The following COL24A1 variants were observed in gnomAD, a reference collection of about 807,000 sequenced individuals.
COL24A1 encodes collagen type XXIV alpha 1 chain, also known as collagen alpha-1(XXIV) chain.
Under a neutral mutation model 253.9 loss-of-function variants are expected in COL24A1, and 224 were observed. That is an observed-to-expected ratio of 0.88 (90% CI 0.79 to 0.99). The LOEUF is 0.99. Ranked by LOEUF, COL24A1 falls within the 50% of genes least tolerant of loss-of-function variation. The pLI is 0.00. For missense variants in COL24A1, 2,131 were observed against 2,068.5 expected (o/e 1.03, Z -0.59); for synonymous variants, 685 against 673.7 (o/e 1.02, Z -0.26).
At position 86,072,011 on chromosome 1, in the gene COL24A1, C is replaced by A. The variant is rs573706101; in HGVS notation, c.1708-8252G>T. Among the ~76,000 whole-genome samples the A allele has an allele frequency of 3.3e-5, 5 of 152,310 alleles. No homozygotes were observed. The East Asian group carries it at 9.7e-4, about 29-fold the overall frequency. On this transcript the variant is annotated intron_variant, in intron 7 of 59. Coordinates refer to ENST00000370571, the MANE Select transcript of COL24A1 (RefSeq NM_152890.7). ...TATGCTTTTCCCACGGTCTGTGAAA[C>A]CTGCAGACCAGGAGATTCCCTCGGA...
At chr1:85,808,548 T>C (rs1196408949) in intron 47 of COL24A1, among the ~76,000 whole-genome samples, 4 of 152,228 alleles carry the variant, frequency 2.6e-5, no homozygotes, top group Admixed American at 6.5e-5. Flanking sequence ...CAGTGCTATG[T>C]CAACTCAATT....
In COL24A1 at chr1:86,057,192, G is replaced by A. The variant is rs1187859166; in HGVS notation, c.1851+739C>T. On this transcript the variant is annotated intron_variant, in intron 10 of 59. Transcript: ENST00000370571. ...AGATCTGGTTGTTTGAAAGTGTCTGGGACCTTCCGTTTTTCTCTCTTACTC... is the reference window on the plus strand; with the variant it reads ...AGATCTGGTTGTTTGAAAGTGTCTGAGACCTTCCGTTTTTCTCTCTTACTC... Among the ~76,000 whole-genome samples, 3 of 151,920 alleles carry A rather than the reference G, an allele frequency of 2.0e-5. No individual in the cohort carries two copies. The East Asian group carries it at 5.8e-4, about 29-fold the overall frequency.
At chr1:85,761,672 A>G (rs1379336037) in intron 53 of COL24A1, 106 bp from the exon 54 acceptor site, 4 of 1,061,536 alleles carry the variant, frequency 3.8e-6, no homozygotes, top group Non-Finnish European at 5.8e-6. Flanking sequence ...GTGCCAGGCA[A>G]GTCATACAAT....
chr1:85,914,838 G>A (rs1372193571), intron 24 of COL24A1, among the ~76,000 whole-genome samples: 1 of 152,190 alleles, frequency 6.6e-6, no homozygotes, highest in Non-Finnish European at 1.5e-5. Flanking sequence ...TTCTGGAAAA[G>A]AGGTTAGTGA....
intron 52 of COL24A1, among the ~76,000 whole-genome samples, chr1:85,779,077 C>T (rs143177230): frequency 9.9e-5 from 15 of 152,126 alleles, no homozygotes; most frequent in African/African-American, 3.6e-4. Flanking sequence ...GTGCAGTCAA[C>T]TCACTGTAGC....
chr1:85,757,104 A>C (rs1213627478), intron 55 of COL24A1, among the ~76,000 whole-genome samples: 1 of 152,174 alleles, frequency 6.6e-6, no homozygotes, highest in East Asian at 1.9e-4. Context: ...TCAGTTTTGG[A>C]AGACAAAAAA....
chr1:86,019,886 T>A (rs1697339162), intron 18 of COL24A1, among the ~76,000 whole-genome samples: 2 of 151,848 alleles, frequency 1.3e-5, no homozygotes, highest in African/African-American at 4.8e-5. Context: ...AGGAAAAAAA[T>A]ACTAAGGGCT....
intron 5 of COL24A1, among the ~76,000 whole-genome samples, chr1:86,103,234 T>C (rs1468110484): frequency 6.6e-6 from 1 of 152,194 alleles, no homozygotes; most frequent in African/African-American, 2.4e-5. Flanking sequence ...ATTTGCTTGA[T>C]AGATTTTTCT....
intron 32 of COL24A1, among the ~76,000 whole-genome samples, chr1:85,879,288 G>C (rs188426718): frequency 1.4e-5 from 2 of 147,622 alleles, no homozygotes; most frequent in Admixed American, 1.4e-4. Context: ...TAAGGTGTAA[G>C]ATCTGCATCT....
chr1:86,108,762 G>A (rs955013875), intron 5 of COL24A1, among the ~76,000 whole-genome samples: 1 of 150,630 alleles, frequency 6.6e-6, no homozygotes, highest in Admixed American at 6.6e-5. Flanking sequence ...AGCCGAGATC[G>A]CACCATTGTA....
rs1677500358 is a variant in COL24A1, at chr1:85,849,362, T to C, written c.3345A>G (p.Pro1115=). Residue 1115 remains proline (P), a synonymous_variant, in exon 38 of 60, where the codon CCA becomes CCG. Coordinates refer to ENST00000370571, the MANE Select transcript of COL24A1 (RefSeq NM_152890.7). The stretch of plus-strand genomic sequence containing the variant: ...AGATGTAAAAAATTACCTTTTTTCC[T>C]GGACGACCTCTTTGCCCTGGAATTC... ...IVGIPGQRGR[P]GKKGDKGQIG... is the part of the protein sequence containing the mutation. 3 of 1,612,804 alleles carry C rather than the reference T, an allele frequency of 1.9e-6. No homozygotes were observed. The highest frequency in any genetic ancestry group is 2.5e-6 in the Non-Finnish European group (3 of 1,179,302).
At chr1:86,055,464 A>T (rs1041321569) in intron 10 of COL24A1, among the ~76,000 whole-genome samples, 4 of 152,212 alleles carry the variant, frequency 2.6e-5, no homozygotes, top group Admixed American at 2.6e-4. Flanking sequence ...AAAAGGAAAA[A>T]ACAAAAGGAT....
intron 22 of COL24A1, among the ~76,000 whole-genome samples, chr1:85,966,733 T>C (rs558655680): frequency 3.4e-4 from 52 of 152,076 alleles, no homozygotes; most frequent in Non-Finnish European, 6.0e-4. Flanking sequence ...GATAATTGGA[T>C]CCAGCAATAC....
chr1:85,837,150 T>C (rs1162344745), intron 43 of COL24A1, among the ~76,000 whole-genome samples: 1 of 152,122 alleles, frequency 6.6e-6, no homozygotes, highest in African/African-American at 2.4e-5. Context: ...AAAAGTAAAT[T>C]TCAAATAAAT....
At position 86,125,084 on chromosome 1, in the gene COL24A1, T is replaced by C. The variant is rs1166771774; in HGVS notation, c.1252A>G (p.Thr418Ala). The change falls in exon 3 of 60, where the codon ACT becomes GCT. Residue 418 changes from threonine (T) to alanine (A), a missense_variant. Transcript: ENST00000370571. Reference sequence around the variant, plus strand: ...GGTTGCATTTCCATGAGTTCGTTAGTGTGTAGATTTGCTGTGATAGCCTTC... The same window carrying C: ...GGTTGCATTTCCATGAGTTCGTTAGCGTGTAGATTTGCTGTGATAGCCTTC... ...LKKAITANLHTNELMEMQPIL... is the reference protein window; with the variant it reads ...LKKAITANLHANELMEMQPIL... 6.2e-7 allele frequency: 1 copy of C among 1,613,192 alleles called. No homozygotes were observed. The highest frequency in any genetic ancestry group is 8.5e-7 in the Non-Finnish European group (1 of 1,179,666).
intron 7 of COL24A1, among the ~76,000 whole-genome samples, chr1:86,086,248 T>C (rs1451031998): frequency 6.6e-6 from 1 of 152,114 alleles, no homozygotes; most frequent in African/African-American, 2.4e-5. Flanking sequence ...TACACAGATA[T>C]ACTTAAATAC....
chr1:85,986,570 C>T (rs956076529), intron 20 of COL24A1, among the ~76,000 whole-genome samples: 22 of 151,670 alleles, frequency 1.5e-4, no homozygotes, highest in Non-Finnish European at 1.2e-4. Flanking sequence ...AGAATTCTGG[C>T]TATATAGCTT....
chr1:85,817,611 A>C (rs900105128), intron 46 of COL24A1, among the ~76,000 whole-genome samples: 2 of 152,092 alleles, frequency 1.3e-5, no homozygotes, highest in Non-Finnish European at 2.9e-5. Flanking sequence ...GAAAAGATTA[A>C]ATTTTTTTTC....
At chr1:85,821,329 G>C (rs1276505237) in intron 45 of COL24A1, among the ~76,000 whole-genome samples, 4 of 152,032 alleles carry the variant, frequency 2.6e-5, no homozygotes, top group Admixed American at 1.3e-4. Context: ...CAAGTAATAG[G>C]CTTCTTCATA....
Sources: allele counts gnomAD v4.1 joint callset (sites outside exome capture counted in the v4.1 genomes callset), GRCh38; gene constraint gnomAD v4.1.1; transcripts MANE v1.5; gene names NCBI Gene and HGNC (gene_info 2026-07-23, HGNC 2026-07-21).